GRM8: variants seen among roughly 807,000 people sequenced by gnomAD.
GRM8 encodes metabotropic glutamate receptor 8.
GRM8 carries 47 observed loss-of-function variants against 87.2 expected under a neutral mutation model. The ratio of observed to expected loss-of-function variants is 0.54; its 90% CI spans 0.43 to 0.69. The LOEUF is 0.69. GRM8 is among the 30% of genes least tolerant of loss of function. The pLI is 0.00. For synonymous variants in GRM8, 396 were observed against 404.5 expected (o/e 0.98, Z 0.25); for missense variants, 1,019 against 1,139.2 (o/e 0.89, Z 1.52).
chr7:126,619,578 A>G (rs1199752752), intron 7 of GRM8, among the ~76,000 whole-genome samples: 2 of 152,236 alleles, frequency 1.3e-5, no homozygotes, highest in Non-Finnish European at 2.9e-5. Context: ...AATATATTTG[A>G]TTAAGCAATA....
chr7:126,863,626 A>C (rs1204518), intron 6 of GRM8, among the ~76,000 whole-genome samples: 42,727 of 152,064 alleles, frequency 0.28, 7,872 homozygotes, highest in East Asian at 0.57. Flanking sequence ...GAGAAAATGG[A>C]TATTTGCGTT....
intron 8 of GRM8, among the ~76,000 whole-genome samples, chr7:126,542,976 T>A (rs1223152355): frequency 6.6e-6 from 1 of 152,154 alleles, no homozygotes; most frequent in Non-Finnish European, 1.5e-5. Flanking sequence ...GGGCAAAAGA[T>A]GAATGAAAAG....
At chr7:126,465,915 T>C (rs1424150609) in intron 9 of GRM8, among the ~76,000 whole-genome samples, 4 of 151,970 alleles carry the variant, frequency 2.6e-5, no homozygotes, top group Non-Finnish European at 5.9e-5. Context: ...AGAAAACTTT[T>C]AGCAATTCAC....
At chr7:127,015,152 A>AAGAAGGAAGAAGG (rs1563414030) in intron 3 of GRM8, among the ~76,000 whole-genome samples, 10 of 70,068 alleles carry the variant, frequency 1.4e-4, no homozygotes, top group African/African-American at 4.2e-4. Flanking sequence ...AGGAAGAAGG[A>AAGAAGGAAGAAGG]AGAAGGAGAA....
intron 7 of GRM8, among the ~76,000 whole-genome samples, chr7:126,719,471 T>G (rs906367508): frequency 2.6e-5 from 4 of 152,192 alleles, no homozygotes; most frequent in African/African-American, 9.7e-5. Context: ...GTTCAGGTAT[T>G]GTACTAAAAG....
At chr7:126,562,098 T>G (rs1793772948) in intron 8 of GRM8, among the ~76,000 whole-genome samples, 1 of 152,130 alleles carries the variant, frequency 6.6e-6, no homozygotes, top group African/African-American at 2.4e-5. Flanking sequence ...TACCCTGATA[T>G]CTGAAAATAT....
At chr7:126,527,085 G>A (rs957752670) in intron 9 of GRM8, among the ~76,000 whole-genome samples, 28 of 152,200 alleles carry the variant, frequency 1.8e-4, no homozygotes, top group Non-Finnish European at 2.4e-4. Flanking sequence ...TTGGCTGGGC[G>A]CGGTGGCTCA....
At chr7:126,600,206 C>T (rs537070429) in intron 8 of GRM8, among the ~76,000 whole-genome samples, 1 of 152,196 alleles carries the variant, frequency 6.6e-6, no homozygotes, top group South Asian at 2.1e-4. Flanking sequence ...TATATGGTTG[C>T]TTTAATAAAT....
intron 7 of GRM8, among the ~76,000 whole-genome samples, chr7:126,617,966 A>G (rs1310852828): frequency 1.3e-5 from 2 of 152,226 alleles, no homozygotes; most frequent in African/African-American, 4.8e-5. Flanking sequence ...TAATTTATAG[A>G]TTCAATGCCA....
chr7:126,641,506 G>C (rs1238575774), intron 7 of GRM8, among the ~76,000 whole-genome samples: 1 of 152,146 alleles, frequency 6.6e-6, no homozygotes, highest in East Asian at 1.9e-4. Context: ...TGGCCCTTGG[G>C]GGAGAAAGAG....
chr7:127,128,446 T>C (rs939782508), intron 2 of GRM8, among the ~76,000 whole-genome samples: 1 of 152,112 alleles, frequency 6.6e-6, no homozygotes, highest in African/African-American at 2.4e-5. Flanking sequence ...CCATACAGCC[T>C]GGCAGCTATC....
intron 9 of GRM8, among the ~76,000 whole-genome samples, chr7:126,466,875 T>G (rs1285739387): frequency 6.6e-6 from 1 of 151,968 alleles, no homozygotes; most frequent in East Asian, 1.9e-4. Context: ...TAATGCTTCA[T>G]TGGCTATAAG....
At chr7:126,608,711 G>T (rs1798607055) in intron 8 of GRM8, among the ~76,000 whole-genome samples, 1 of 151,180 alleles carries the variant, frequency 6.6e-6, no homozygotes, top group Non-Finnish European at 1.5e-5. Flanking sequence ...CTATCAACCA[G>T]ATATAGCCAG....
chr7:127,039,183 A>C (rs1192753593), intron 3 of GRM8, among the ~76,000 whole-genome samples: 1 of 152,244 alleles, frequency 6.6e-6, no homozygotes, highest in African/African-American at 2.4e-5. Context: ...TCCAACCTCC[A>C]GTAGCTCAGA....
chr7:126,920,138 C>T (rs1346353889), intron 3 of GRM8, among the ~76,000 whole-genome samples: 3 of 152,158 alleles, frequency 2.0e-5, no homozygotes, highest in Non-Finnish European at 2.9e-5. Context: ...CTCTCTGTCT[C>T]TCTCTGTCTC....
rs187733198 is a variant in GRM8, at chr7:126,581,199, C to T, written c.1494+28163G>A. The stretch of plus-strand genomic sequence containing the variant: ...AAAATAAAAACATTGTGAAAGAGAC[C>T]ATCTCCTAATGTTCAGAGTCATTAG... On this transcript the variant is annotated intron_variant, in intron 8 of 10. Transcript: ENST00000339582. Among the ~76,000 whole-genome samples, 293 of 151,950 alleles carry T rather than the reference C, an allele frequency of 1.9e-3. 1 individual carries two copies. Among genetic ancestry groups the T allele is most frequent in the Non-Finnish European group, 2.1e-3 (145 of 67,918 alleles).
intron 7 of GRM8, among the ~76,000 whole-genome samples, chr7:126,665,864 T>C (rs1805704497): frequency 6.6e-6 from 1 of 152,084 alleles, no homozygotes; most frequent in Admixed American, 6.5e-5. Context: ...ACTGCATGTT[T>C]TATTGTTTTC....
chr7:127,249,502 G>A (rs552171556), intron 1 of GRM8, among the ~76,000 whole-genome samples: 12 of 152,136 alleles, frequency 7.9e-5, no homozygotes, highest in East Asian at 3.8e-4. Flanking sequence ...AGTCAGGAGC[G>A]TCTCAACAGT....
At chr7:126,473,508 G>C (rs938329034) in intron 9 of GRM8, among the ~76,000 whole-genome samples, 1 of 152,136 alleles carries the variant, frequency 6.6e-6, no homozygotes, top group Middle Eastern at 3.2e-3. Flanking sequence ...ACTTGCTTTT[G>C]ATTATGTAGG....
Sources: allele counts gnomAD v4.1 joint callset (sites outside exome capture counted in the v4.1 genomes callset), GRCh38; gene constraint gnomAD v4.1.1; transcripts MANE v1.5; gene names NCBI Gene and HGNC (gene_info 2026-07-23, HGNC 2026-07-21).